Variants in SMIM33 observed in about 807,000 individuals in gnomAD.
The protein encoded by SMIM33 is small integral membrane protein 33.
intron 1 of SMIM33, among the ~76,000 whole-genome samples, chr5:139,472,257 T>C (rs756266488): frequency 8.5e-5 from 13 of 152,114 alleles, no homozygotes; most frequent in Non-Finnish European, 1.3e-4. Context: ...GCCTTTTTCT[T>C]TCCCCTTTCC....
At chr5:139,471,388 T>C (rs1238425038) in intron 1 of SMIM33, among the ~76,000 whole-genome samples, 3 of 152,108 alleles carry the variant, frequency 2.0e-5, no homozygotes, top group Non-Finnish European at 4.4e-5. Flanking sequence ...CATGGGTTTG[T>C]CCTGGGAAGC....
intron 1 of SMIM33, among the ~76,000 whole-genome samples, chr5:139,471,624 C>A (rs1187537505): frequency 2.6e-5 from 4 of 152,138 alleles, no homozygotes; most frequent in South Asian, 2.1e-4. Context: ...AGGGTGGAGT[C>A]AGACAGGGGT....
In SMIM33 at chr5:139,472,610, C is replaced by T; in HGVS notation, c.88C>T (p.Leu30=). ...QEPQRQLPEV[L]SGTWEQPRVD... ...GCCCCAGAGGCAGCTTCCGGAGGTGCTAAGTGGCACCTGGGAACAACCTCG... is the reference window on the plus strand; with the variant it reads ...GCCCCAGAGGCAGCTTCCGGAGGTGTTAAGTGGCACCTGGGAACAACCTCG... Residue 30 remains leucine (L), a synonymous_variant, in exon 2 of 2, where the codon CTA becomes TTA. Transcript: ENST00000637503. 1 of 400,878 alleles carries T rather than the reference C, an allele frequency of 2.5e-6. No homozygotes were observed. Among genetic ancestry groups the T allele is most frequent in the Non-Finnish European group, 4.4e-6 (1 of 226,288 alleles). 24.8% of individuals were successfully genotyped at this position (400,878 alleles called of 1,614,324 possible).
chr5:139,472,962 AAGAAACCGGGCAG>A lies in SMIM33; in HGVS notation c.*46_*58del. ...GAGTTAGCCTGACCTAGCTCAGAAC[AAGAAACCGGGCAG>A]AGAACTAGGGCAAAAGCAAATTGGA... On this transcript the variant is annotated 3_prime_UTR_variant, in exon 2 of 2. Transcript: ENST00000637503. 1 of 399,930 alleles carries A rather than the reference AAGAAACCGGGCAG, an allele frequency of 2.5e-6. No homozygotes were observed. Among genetic ancestry groups the A allele is most frequent in the Non-Finnish European group, 4.4e-6 (1 of 226,228 alleles). The allele number at this position is 399,930 out of a possible 1,614,324, so 24.8% of individuals were successfully genotyped here.
At chr5:139,472,222 T>A (rs1263301933) in intron 1 of SMIM33, among the ~76,000 whole-genome samples, 3 of 152,152 alleles carry the variant, frequency 2.0e-5, no homozygotes, top group African/African-American at 4.8e-5. Context: ...TCTGTCTGTA[T>A]CTTTATTTCT....
In SMIM33 at chr5:139,471,012, C is replaced by T. The variant is rs757383183; in HGVS notation, c.-110C>T. On this transcript the variant is annotated 5_prime_UTR_variant, in exon 1 of 2. Transcript: ENST00000637503. ...AGAGTGTGTGCACAGGGTGTGTGCC[C>T]ATGGGCCCCGCAGACGTGGCAGCTC... is the stretch of plus-strand genomic sequence containing the variant. The T allele has an allele frequency of 2.8e-5, 11 of 398,616 alleles. No individual in the cohort carries two copies. The highest frequency in any genetic ancestry group is 4.9e-5 in the Non-Finnish European group (11 of 226,190). The allele number at this position is 398,616 out of a possible 1,614,324, so 24.7% of individuals were successfully genotyped here. A position where few individuals can be genotyped will look rare whatever the true frequency, so the allele number is the denominator to read the frequency against.
In SMIM33 at chr5:139,472,752, C is replaced by T. The variant is rs1751556083; in HGVS notation, c.230C>T (p.Pro77Leu). 1.0e-5 allele frequency: 4 copies of T among 400,796 alleles called. No homozygotes were observed. Among genetic ancestry groups the T allele is most frequent in the African/African-American group, 2.1e-5 (1 of 48,710 alleles). The allele number at this position is 400,796 out of a possible 1,614,324, so 24.8% of individuals were successfully genotyped here. Residue 77 changes from proline (P) to leucine (L), a missense_variant, in exon 2 of 2, where the codon CCT becomes CTT. By Grantham distance (98) the Pro-to-Leu change is moderately conservative. Coordinates refer to ENST00000637503, the MANE Select transcript of SMIM33 (RefSeq NM_001365197.1). Reference protein sequence around the residue: ...PRLHQGHATLPTEPPTPKPDG... With the variant: ...PRLHQGHATLLTEPPTPKPDG... ...CTGCACCAGGGCCATGCCACTCTCC[C>T]TACAGAGCCACCGACCCCAAAGCCA... is the stretch of plus-strand genomic sequence containing the variant.
rs1348634080 is a variant in SMIM33, at chr5:139,471,093, C to T, written c.-29C>T. On this transcript the variant is annotated 5_prime_UTR_variant, in exon 1 of 2. Transcript: ENST00000637503. ...CTCCTTTACCCAGCTGGCTGCCAGT[C>T]CCAAGGGAGCCCTGTGTCGGCCCGG... 2.5e-6 allele frequency: 1 copy of T among 398,612 alleles called. No homozygotes were observed. Among genetic ancestry groups the T allele is most frequent in the African/African-American group, 2.1e-5 (1 of 48,632 alleles). 24.7% of individuals were successfully genotyped at this position (398,612 alleles called of 1,614,324 possible).
rs1751557516 is a variant in SMIM33 at position 139,472,815 on chromosome 5, GC to G, written c.298del (p.Gln100LysfsTer41). 1 of 400,944 alleles carries G rather than the reference GC, an allele frequency of 2.5e-6. No individual in the cohort carries two copies. The highest frequency in any genetic ancestry group is 2.0e-5 in the African/African-American group (1 of 48,842). The allele number at this position is 400,944 out of a possible 1,614,324, so 24.8% of individuals were successfully genotyped here. A position where few individuals can be genotyped will look rare whatever the true frequency, so the allele number is the denominator to read the frequency against. ...TACCTCATCCACTGGCGGGTGCTGG[GC>G]CCCCAAGACAGTCCTGAAGAAGCAC... ...GIYLIHWRVLGPQDSPEEAPP... is the reference protein window; with the variant it reads ...GIYLIHWRVLXPQDSPEEAPP... On this transcript the variant is annotated frameshift_variant, in exon 2 of 2. Coordinates refer to ENST00000637503, the MANE Select transcript of SMIM33 (RefSeq NM_001365197.1). LOFTEE classifies it low-confidence loss of function (END_TRUNC).
At chr5:139,472,336 A>G (rs780324447) in intron 1 of SMIM33, among the ~76,000 whole-genome samples, 196 bp from the exon 2 acceptor site, 3 of 149,504 alleles carry the variant, frequency 2.0e-5, no homozygotes, top group Non-Finnish European at 4.4e-5. Context: ...CTCTGCTGCC[A>G]TGTGGTTTAC....
intron 1 of SMIM33, among the ~76,000 whole-genome samples, 178 bp from the exon 2 acceptor site, chr5:139,472,354 T>G (rs1012149025): frequency 6.6e-6 from 1 of 152,146 alleles, no homozygotes; most frequent in Non-Finnish European, 1.5e-5. Flanking sequence ...TACCTCTGTA[T>G]TCTCTGCCTC....
chr5:139,472,635 G>C lies in SMIM33; in HGVS notation c.113G>C (p.Arg38Pro). The C allele has an allele frequency of 2.5e-6, 1 of 400,830 alleles. No homozygotes were observed. The highest frequency in any genetic ancestry group is 4.4e-6 in the Non-Finnish European group (1 of 226,270). 24.8% of individuals were successfully genotyped at this position (400,830 alleles called of 1,614,324 possible). A position where few individuals can be genotyped will look rare whatever the true frequency, so the allele number is the denominator to read the frequency against. The change falls in exon 2 of 2, where the codon CGA (arginine) becomes CCA (proline). Residue 38 changes from arginine (R) to proline (P), a missense_variant. Arg to Pro is a moderately radical substitution (Grantham distance 103). Coordinates refer to ENST00000637503, the MANE Select transcript of SMIM33 (RefSeq NM_001365197.1). Reference sequence around the variant, plus strand: ...CTAAGTGGCACCTGGGAACAACCTCGAGTTGACGGGCTGCCTGTGGTCACC... The same window carrying C: ...CTAAGTGGCACCTGGGAACAACCTCCAGTTGACGGGCTGCCTGTGGTCACC... The part of the protein sequence containing the change: ...EVLSGTWEQP[R>P]VDGLPVVTVI...
rs1751568604 is a variant in SMIM33 at position 139,473,307 on chromosome 5, A to G, written c.*386A>G. ...AGCAGGAATGTCAGAGGCCCCGTGG[A>G]GAGGCCCTCATCCTACAAAGGCCAG... On this transcript the variant is annotated 3_prime_UTR_variant, in exon 2 of 2. Transcript: ENST00000637503. 1 of 158,050 alleles carries G rather than the reference A, an allele frequency of 6.3e-6. No homozygotes were observed. The highest frequency in any genetic ancestry group is 6.5e-5 in the Admixed American group (1 of 15,414). The allele number at this position is 158,050 out of a possible 1,614,324, so 9.8% of individuals were successfully genotyped here.
Position 139,473,131 on chromosome 5 carries a change from C to T in SMIM33, c.*210C>T, listed in dbSNP as rs535505522. 5.2e-6 allele frequency: 2 copies of T among 386,248 alleles called. No homozygotes were observed. The highest frequency in any genetic ancestry group is 9.1e-6 in the Non-Finnish European group (2 of 218,880). The allele number at this position is 386,248 out of a possible 1,614,324, so 23.9% of individuals were successfully genotyped here. A position where few individuals can be genotyped will look rare whatever the true frequency, so the allele number is the denominator to read the frequency against. ...GAGGGCCCTGCCCAGAAACATGCTG[C>T]GGGGGGCCTTCCCAGGGCCCAAGGC... On this transcript the variant is annotated 3_prime_UTR_variant, in exon 2 of 2. Transcript: ENST00000637503.
In SMIM33 at chr5:139,472,949, C is replaced by T. The variant is rs1236088041; in HGVS notation, c.*28C>T. 7 of 400,216 alleles carry T rather than the reference C, an allele frequency of 1.7e-5. No individual in the cohort carries two copies. The Admixed American group carries it at 3.1e-4, about 18-fold the overall frequency. The allele number at this position is 400,216 out of a possible 1,614,324, so 24.8% of individuals were successfully genotyped here. ...GGGAGACTTTGGAGAGTTAGCCTGACCTAGCTCAGAACAAGAAACCGGGCA... is the reference window on the plus strand; with the variant it reads ...GGGAGACTTTGGAGAGTTAGCCTGATCTAGCTCAGAACAAGAAACCGGGCA... On this transcript the variant is annotated 3_prime_UTR_variant, in exon 2 of 2. Transcript: ENST00000637503.
Position 139,472,820 on chromosome 5 carries a change from CAA to C in SMIM33, c.299_300del (p.Gln100ArgfsTer4), listed in dbSNP as rs1213956029. On this transcript the variant is annotated frameshift_variant, in exon 2 of 2. Coordinates refer to ENST00000637503, the MANE Select transcript of SMIM33 (RefSeq NM_001365197.1). LOFTEE classifies it low-confidence loss of function (END_TRUNC). ...CATCCACTGGCGGGTGCTGGGCCCC[CAA>C]GACAGTCCTGAAGAAGCACCACCGG... Reference protein sequence around the residue: ...YLIHWRVLGPQDSPEEAPPGP... With the variant: ...YLIHWRVLGPXDSPEEAPPGP... The C allele has an allele frequency of 1.2e-5, 5 of 400,840 alleles. No homozygotes were observed. Among genetic ancestry groups the C allele is most frequent in the Non-Finnish European group, 2.2e-5 (5 of 226,360 alleles). The allele number at this position is 400,840 out of a possible 1,614,324, so 24.8% of individuals were successfully genotyped here.
At chr5:139,471,746 C>T (rs951389599) in intron 1 of SMIM33, among the ~76,000 whole-genome samples, 1 of 152,114 alleles carries the variant, frequency 6.6e-6, no homozygotes, top group African/African-American at 2.4e-5. Flanking sequence ...CCACACTGGG[C>T]ACCCCCTCTC....
intron 1 of SMIM33, among the ~76,000 whole-genome samples, chr5:139,471,966 C>T (rs569047464): frequency 6.6e-6 from 1 of 152,196 alleles, no homozygotes; most frequent in African/African-American, 2.4e-5. Flanking sequence ...TTCCCCAGGA[C>T]TTTAAGAAGC....
chr5:139,471,068 C>T lies in SMIM33; in HGVS notation c.-54C>T, dbSNP rs151206188. ...AGGGGCTGAATTAGGGTGGCCAGCC[C>T]TCCTTTACCCAGCTGGCTGCCAGTC... On this transcript the variant is annotated 5_prime_UTR_variant, in exon 1 of 2. Transcript: ENST00000637503. 0.011 allele frequency: 4,502 copies of T among 398,734 alleles called. 36 individuals are homozygous for T. Among genetic ancestry groups the T allele is most frequent in the Non-Finnish European group, 0.015 (3,491 of 226,156 alleles). 24.7% of individuals were successfully genotyped at this position (398,734 alleles called of 1,614,324 possible).
Sources: gnomAD v4.1 joint callset for allele counts (sites outside exome capture counted in the v4.1 genomes callset) on GRCh38, gnomAD v4.1.1 for gene constraint, MANE v1.5 for transcripts, NCBI Gene and HGNC (gene_info 2026-07-23, HGNC 2026-07-21) for gene names.